SNTG1: variants seen among roughly 807,000 people sequenced by gnomAD.
The protein encoded by SNTG1 is syntrophin gamma 1.
A neutral mutation model predicts 74.7 loss-of-function variants in SNTG1; 39 were observed. That is an observed-to-expected ratio of 0.52 (90% CI 0.40 to 0.68). SNTG1 has a LOEUF of 0.68. Ranked by LOEUF, SNTG1 falls within the 30% of genes least tolerant of loss-of-function variation. The pLI is 0.00. For missense variants in SNTG1, 685 were observed against 609.5 expected (o/e 1.12, Z -1.30); for synonymous variants, 254 against 217.1 (o/e 1.17, Z -1.49).
intron 17 of SNTG1, among the ~76,000 whole-genome samples, chr8:50,720,882 G>A (rs780634982): frequency 2.6e-5 from 4 of 152,212 alleles, no homozygotes; most frequent in Middle Eastern, 3.4e-3. Flanking sequence ...TTTTACCTAT[G>A]TGGTAAAAAG....
Position 50,485,335 on chromosome 8 carries a change from T to C in SNTG1, c.364-17443T>C, listed in dbSNP as rs1257683514. 5.3e-5 allele frequency among the ~76,000 whole-genome samples: 8 copies of C among 152,220 alleles called. No individual in the cohort carries two copies. In the East Asian group the frequency reaches 1.5e-3, roughly 29 times the overall value. On this transcript the variant is annotated intron_variant, in intron 8 of 18. Coordinates refer to ENST00000642720, the MANE Select transcript of SNTG1 (RefSeq NM_018967.5). Reference sequence around the variant, plus strand: ...GCCAAAAAAACACTTTGAATCCTTTTATGCAGACTAGATTTGGGCCAGGGT... The same window carrying C: ...GCCAAAAAAACACTTTGAATCCTTTCATGCAGACTAGATTTGGGCCAGGGT...
intron 1 of SNTG1, chr8:50,163,665 A>G (rs1024953457): frequency 6.6e-6 from 1 of 151,848 alleles, no homozygotes; most frequent in Admixed American, 6.6e-5. Context: ...GTGTATTTTA[A>G]TACACAACAG....
chr8:50,164,312 G>T (rs921507548), intron 1 of SNTG1: 1 of 152,072 alleles, frequency 6.6e-6, no homozygotes, highest in African/African-American at 2.4e-5. Context: ...GTATGAACAT[G>T]TTCTGTTCCA....
chr8:50,690,251 G>A (rs1276844883), intron 15 of SNTG1, among the ~76,000 whole-genome samples: 1 of 152,012 alleles, frequency 6.6e-6, no homozygotes, highest in Non-Finnish European at 1.5e-5. Flanking sequence ...ATTTCCTTCA[G>A]TTCTGCTCTG....
intron 15 of SNTG1, among the ~76,000 whole-genome samples, chr8:50,676,635 C>T (rs1041660750): frequency 5.3e-5 from 8 of 151,760 alleles, no homozygotes; most frequent in African/African-American, 1.9e-4. Flanking sequence ...CTAGTGACAC[C>T]TATTTATTAT....
At chr8:50,145,628 T>C (rs1306771737) in intron 1 of SNTG1, among the ~76,000 whole-genome samples, 2 of 152,174 alleles carry the variant, frequency 1.3e-5, no homozygotes, top group Admixed American at 6.6e-5. Flanking sequence ...GAGAAACTCA[T>C]GCTGACATAC....
At chr8:50,556,105 G>A (rs1257787808) in intron 12 of SNTG1, among the ~76,000 whole-genome samples, 1 of 152,012 alleles carries the variant, frequency 6.6e-6, no homozygotes, top group East Asian at 1.9e-4. Flanking sequence ...AAAATACCTA[G>A]GCAAACACTG....
intron 4 of SNTG1, among the ~76,000 whole-genome samples, chr8:50,412,495 G>C (rs556540420): frequency 1.3e-5 from 2 of 152,280 alleles, no homozygotes; most frequent in East Asian, 3.9e-4. Flanking sequence ...TTGTGAAGAT[G>C]AAACAAGTGA....
intron 12 of SNTG1, among the ~76,000 whole-genome samples, chr8:50,582,819 G>A (rs2094619778): frequency 6.6e-6 from 1 of 151,914 alleles, no homozygotes; most frequent in African/African-American, 2.4e-5. Context: ...TCTGTTCTAT[G>A]TTTTGGGTCA....
chr8:50,355,445 G>A (rs2091791630), intron 2 of SNTG1, among the ~76,000 whole-genome samples: 1 of 152,100 alleles, frequency 6.6e-6, no homozygotes, highest in Non-Finnish European at 1.5e-5. Context: ...TGATAATTAT[G>A]TTAGTATTTT....
intron 2 of SNTG1, among the ~76,000 whole-genome samples, chr8:50,345,391 T>C (rs1427266106): frequency 6.6e-6 from 1 of 152,170 alleles, no homozygotes; most frequent in African/African-American, 2.4e-5. Flanking sequence ...TTCCTGGCTC[T>C]GCCCTCTAGG....
intron 1 of SNTG1, among the ~76,000 whole-genome samples, chr8:49,962,990 G>C (rs1181420219): frequency 2.0e-5 from 3 of 152,192 alleles, no homozygotes; most frequent in Non-Finnish European, 4.4e-5. Context: ...CACGACTCCT[G>C]AGTAGGTGCT....
chr8:50,570,246 ATTTTATTTTATTTTATTT>A (rs2094540093), intron 12 of SNTG1, among the ~76,000 whole-genome samples: 1 of 34,692 alleles, frequency 2.9e-5, no homozygotes, highest in South Asian at 7.4e-4. Context: ...ATTTTATTTT[ATTTTATTTTATTTTATTT>A]TATTTTATTT....
chr8:49,922,742 A>G (rs1244099038), intron 1 of SNTG1, among the ~76,000 whole-genome samples: 1 of 152,152 alleles, frequency 6.6e-6, no homozygotes, highest in East Asian at 1.9e-4. Flanking sequence ...AGTTGTATAA[A>G]AGTATTCTTT....
intron 15 of SNTG1, among the ~76,000 whole-genome samples, chr8:50,663,386 C>T (rs2095234875): frequency 6.6e-6 from 1 of 152,078 alleles, no homozygotes; most frequent in Non-Finnish European, 1.5e-5. Context: ...TCGAATGCAA[C>T]GTGAGATGGA....
At chr8:50,710,284 C>T (rs1038946731) in intron 17 of SNTG1, among the ~76,000 whole-genome samples, 1 of 152,116 alleles carries the variant, frequency 6.6e-6, no homozygotes, top group Non-Finnish European at 1.5e-5. Context: ...GCCAATGACT[C>T]TTGAAAACTT....
chr8:50,389,078 C>A (rs185016310), intron 2 of SNTG1, among the ~76,000 whole-genome samples: 1 of 152,116 alleles, frequency 6.6e-6, no homozygotes, highest in African/African-American at 2.4e-5. Flanking sequence ...TGTTCTCGTG[C>A]AATTGCAGAA....
At position 50,793,524 on chromosome 8, in the gene SNTG1, T is replaced by C. The variant is rs1456817043; in HGVS notation, c.*695T>C. 1 of 151,976 alleles carries C rather than the reference T, an allele frequency of 6.6e-6. No individual in the cohort carries two copies. Among genetic ancestry groups the C allele is most frequent in the African/African-American group, 2.4e-5 (1 of 41,436 alleles). The allele number at this position is 151,976 out of a possible 1,614,324, so 9.4% of individuals were successfully genotyped here. A position where few individuals can be genotyped will look rare whatever the true frequency, so the allele number is the denominator to read the frequency against. On this transcript the variant is annotated 3_prime_UTR_variant, in exon 19 of 19. Coordinates refer to ENST00000642720, the MANE Select transcript of SNTG1 (RefSeq NM_018967.5). ...ACTGTTATTGAAATGTCTTATTAGC[T>C]GCCAAAGTCAATCAAATATGCCAAC...
chr8:50,106,039 T>A (rs1199484760), intron 1 of SNTG1, among the ~76,000 whole-genome samples: 1 of 152,166 alleles, frequency 6.6e-6, no homozygotes, highest in Non-Finnish European at 1.5e-5. Context: ...TCTTGCCTGA[T>A]TGCTTTAGCT....
Sources: gnomAD v4.1 joint callset for allele counts (sites outside exome capture counted in the v4.1 genomes callset) on GRCh38, gnomAD v4.1.1 for gene constraint, MANE v1.5 for transcripts, NCBI Gene and HGNC (gene_info 2026-07-23, HGNC 2026-07-21) for gene names.